The following HDAC7 variants were observed in gnomAD, a reference collection of about 807,000 sequenced individuals.
The protein encoded by HDAC7 is histone deacetylase 7A.
A neutral mutation model predicts 115.5 loss-of-function variants in HDAC7; 26 were observed. The observed-to-expected ratio is 0.23, with a 90% CI of 0.16 to 0.31. HDAC7 has a LOEUF of 0.31. Ranked by LOEUF, HDAC7 falls within the 10% of genes least tolerant of loss-of-function variation. The probability of loss-of-function intolerance (pLI) is 1.00; values close to 1 mark genes in which losing one functional copy is unlikely to be tolerated. For missense variants in HDAC7, 1,068 were observed against 1,329.0 expected (o/e 0.80, Z 3.05); for synonymous variants, 564 against 550.9 (o/e 1.02, Z -0.33).
In HDAC7 at chr12:47,803,218, G is replaced by A. The variant is rs147756065; in HGVS notation, c.20-944C>T. On this transcript the variant is annotated intron_variant, in intron 1 of 25. Transcript: ENST00000080059. This position sits in a 1 kb window ranked among gnomAD's most constrained non-coding sequence, Gnocchi z 4.0. ...CTTGCTGTCCAGTTCAGGGTCAAGG[G>A]GACAGGAGGCCAGGAGACCCAGAGG... Among the ~76,000 whole-genome samples, 411 of 152,324 alleles carry A rather than the reference G, an allele frequency of 2.7e-3. 2 individuals carry two copies. Among genetic ancestry groups the A allele is most frequent in the African/African-American group, 9.2e-3 (384 of 41,574 alleles).
At position 47,796,355 on chromosome 12, in the gene HDAC7, C is replaced by G. The variant is rs1027511635; in HGVS notation, c.704-57G>C. On this transcript the variant is annotated intron_variant, in intron 7 of 25. Coordinates refer to ENST00000080059, the MANE Select transcript of HDAC7 (RefSeq NM_015401.5). ...AGAGGCCAGGGTGGGCAGGAGGGTACAGCCAGGCCGCCTGGTGCAGGAGAC... is the reference window on the plus strand; with the variant it reads ...AGAGGCCAGGGTGGGCAGGAGGGTAGAGCCAGGCCGCCTGGTGCAGGAGAC... 9 of 1,353,246 alleles carry G rather than the reference C, an allele frequency of 6.7e-6. No individual in the cohort carries two copies. The African/African-American group carries it at 8.8e-5, about 13-fold the overall frequency. 83.8% of individuals were successfully genotyped at this position (1,353,246 alleles called of 1,614,324 possible).
intron 12 of HDAC7, 143 bp downstream of exon 12, chr12:47,794,616 CA>C: frequency 1.4e-6 from 1 of 727,670 alleles, no homozygotes; most frequent in Non-Finnish European, 2.1e-6. Context: ...AGTGTGGATC[CA>C]GCACCCAGGA....
chr12:47,797,150 G>C lies in HDAC7; in HGVS notation c.578-8C>G, dbSNP rs1436761959. ...TCAGGTTGGGCTCAGAGACTGCAGG[G>C]AGCACCAGCGTCACTCAGGCCCCCA... On this transcript the variant is annotated splice_region_variant and splice_polypyrimidine_tract_variant and intron_variant, in intron 6 of 25. Coordinates refer to ENST00000080059, the MANE Select transcript of HDAC7 (RefSeq NM_015401.5). The surrounding 1 kb of genome is among the most constrained non-coding windows in gnomAD (Gnocchi z 5.5). 3 of 1,583,064 alleles carry C rather than the reference G, an allele frequency of 1.9e-6. No homozygotes were observed. The highest frequency in any genetic ancestry group is 2.6e-6 in the Non-Finnish European group (3 of 1,164,960).
chr12:47,810,804 G>GTCTCTCTCTCTCTCTCTCTCTCTC (rs60132211), intron 1 of HDAC7, among the ~76,000 whole-genome samples: 5 of 131,584 alleles, frequency 3.8e-5, no homozygotes, highest in Non-Finnish European at 3.2e-5. Context: ...GGAGGAAAAG[G>GTCTCTCTCTCTCTCTCTCTCTCTC]TCTCTCTCTC....
At chr12:47,794,531 T>G (rs896856372) in intron 12 of HDAC7, among the ~76,000 whole-genome samples, 1 of 152,238 alleles carries the variant, frequency 6.6e-6, no homozygotes, top group African/African-American at 2.4e-5. Context: ...ATGCTTCACC[T>G]GAGACTGGCA....
At chr12:47,789,608 ACAGACAG>A in intron 17 of HDAC7, 30 bp from the exon 18 acceptor site, 7 of 1,612,948 alleles carry the variant, frequency 4.3e-6, no homozygotes, top group Non-Finnish European at 5.9e-6. Flanking sequence ...TTGTCAATCA[ACAGACAG>A]CTCTGACCCA....
chr12:47,802,445 C>T (rs747071634), intron 1 of HDAC7, 171 bp from the exon 2 acceptor site: 1 of 1,550,620 alleles, frequency 6.4e-7, no homozygotes, highest in South Asian at 1.2e-5. Context: ...CCCCATTCGA[C>T]TCCTCCAGTC....
Position 47,789,538 on chromosome 12 carries a change from T to A in HDAC7, c.2132A>T (p.Asp711Val). The change falls in exon 18 of 26, where the codon GAT (aspartate) becomes GTT (valine). Residue 711 changes from aspartate (D) to valine (V), a missense_variant. By Grantham distance (152) the Asp-to-Val change is radical. Around this residue, in one of 6 missense-constraint regions of HDAC7, gnomAD observed 182 missense variants for 301.1 expected, o/e 0.60. Coordinates refer to ENST00000080059, the MANE Select transcript of HDAC7 (RefSeq NM_015401.5). Reference sequence around the variant, plus strand: ...TTAGCCTTACATGGCTGTTGAATGATCTGCATGGTGTCCTGGGGGCCGCAC... The same window carrying A: ...TTAGCCTTACATGGCTGTTGAATGAACTGCATGGTGTCCTGGGGGCCGCAC... ...AVVRPPGHHA[D>V]HSTAMGFCFF... 1 of 1,614,190 alleles carries A rather than the reference T, an allele frequency of 6.2e-7. No homozygotes were observed. Among genetic ancestry groups the A allele is most frequent in the Admixed American group, 1.7e-5 (1 of 60,022 alleles).
At chr12:47,809,581 T>C (rs1944561824) in intron 1 of HDAC7, among the ~76,000 whole-genome samples, 1 of 152,174 alleles carries the variant, frequency 6.6e-6, no homozygotes, top group Non-Finnish European at 1.5e-5. Context: ...TATTTATTTA[T>C]TTATTTTGAG....
intron 2 of HDAC7, among the ~76,000 whole-genome samples, chr12:47,801,457 C>G (rs1452093022): frequency 6.6e-6 from 1 of 151,886 alleles, no homozygotes; most frequent in Non-Finnish European, 1.5e-5. Flanking sequence ...GGGCACTGGT[C>G]ACATTATTGC....
At chr12:47,792,959 C>T (rs887751561) in intron 13 of HDAC7, 5 of 286,868 alleles carry the variant, frequency 1.7e-5, no homozygotes, top group African/African-American at 8.8e-5. Context: ...AGAGGGTTTA[C>T]TTCTGGGTGG....
At position 47,810,040 on chromosome 12, in the gene HDAC7, G is replaced by A. The variant is rs373492212; in HGVS notation, c.20-7766C>T. On this transcript the variant is annotated intron_variant, in intron 1 of 25. Coordinates refer to ENST00000080059, the MANE Select transcript of HDAC7 (RefSeq NM_015401.5). Reference sequence around the variant, plus strand: ...CAGCTGACTGCAACCTCTGCCTCCCGGATTCAAGTGATTCTCCTGCCTCAG... The same window carrying A: ...CAGCTGACTGCAACCTCTGCCTCCCAGATTCAAGTGATTCTCCTGCCTCAG... 7.9e-5 allele frequency among the ~76,000 whole-genome samples: 12 copies of A among 152,006 alleles called. No individual in the cohort carries two copies. The East Asian group carries it at 1.4e-3, about 17-fold the overall frequency.
At chr12:47,799,518 A>G (rs1944060311) in intron 2 of HDAC7, among the ~76,000 whole-genome samples, 1 of 152,162 alleles carries the variant, frequency 6.6e-6, no homozygotes, top group Non-Finnish European at 1.5e-5. Context: ...CAGTCATGAG[A>G]TAAAGTGATG....
rs750253330 is a variant in HDAC7 at position 47,788,038 on chromosome 12, C to T, written c.2355+7G>A. 24 of 1,607,298 alleles carry T rather than the reference C, an allele frequency of 1.5e-5. 1 individual carries two copies. In the East Asian group the frequency reaches 1.6e-4, roughly 10 times the overall value. Reference sequence around the variant, plus strand: ...GGCTGGAAGATGTGGCCCTGACATGCGGTTACCTCATCCACAGCCCCACTC... The same window carrying T: ...GGCTGGAAGATGTGGCCCTGACATGTGGTTACCTCATCCACAGCCCCACTC... On this transcript the variant is annotated splice_region_variant and intron_variant, in intron 20 of 25. Coordinates refer to ENST00000080059, the MANE Select transcript of HDAC7 (RefSeq NM_015401.5).
intron 1 of HDAC7, among the ~76,000 whole-genome samples, chr12:47,809,164 C>G (rs1024261120): frequency 9.2e-5 from 14 of 152,180 alleles, no homozygotes; most frequent in African/African-American, 4.8e-5. Flanking sequence ...AGCACAGTCA[C>G]CGCCCCAGGC....
At chr12:47,785,628 C>T in intron 23 of HDAC7, 124 bp downstream of exon 23, 1 of 1,399,266 alleles carries the variant, frequency 7.1e-7, no homozygotes, top group Non-Finnish European at 9.6e-7. Context: ...TCCGCTTCGC[C>T]TACCTTGTTT....
At chr12:47,806,071 G>A (rs986535645) in intron 1 of HDAC7, among the ~76,000 whole-genome samples, 1 of 152,246 alleles carries the variant, frequency 6.6e-6, no homozygotes, top group Non-Finnish European at 1.5e-5. Context: ...CCTGGAAGCC[G>A]CCCTTTCTAA....
Position 47,798,358 on chromosome 12 carries a change from ACC to A in HDAC7, c.350-141_350-140del. 1.4e-5 allele frequency: 11 copies of A among 797,852 alleles called. No individual in the cohort carries two copies. Among genetic ancestry groups the A allele is most frequent in the Non-Finnish European group, 1.7e-5 (8 of 480,936 alleles). The allele number at this position is 797,852 out of a possible 1,614,324, so 49.4% of individuals were successfully genotyped here. A position where few individuals can be genotyped will look rare whatever the true frequency, so the allele number is the denominator to read the frequency against. The stretch of plus-strand genomic sequence containing the variant: ...AGGCAAGAGCCAAGCCCGAGGCCCT[ACC>A]CCTCCCTAGAGCCTCCAGACACCAC... On this transcript the variant is annotated intron_variant, in intron 4 of 25. Coordinates refer to ENST00000080059, the MANE Select transcript of HDAC7 (RefSeq NM_015401.5). The surrounding 1 kb of genome is among the most constrained non-coding windows in gnomAD (Gnocchi z 4.3).
chr12:47,819,615 G>C (rs959154142), intron 1 of HDAC7, among the ~76,000 whole-genome samples, 152 bp downstream of exon 1: 13 of 150,428 alleles, frequency 8.6e-5, no homozygotes, highest in African/African-American at 1.9e-4. Context: ...GGCGCGGTCG[G>C]GGGGCGCAAG....
Sources: gnomAD v4.1 joint callset for allele counts (sites outside exome capture counted in the v4.1 genomes callset) on GRCh38, gnomAD v4.1.1 for gene constraint, gnomAD v4.1.1 regional missense constraint, Gnocchi (gnomAD v3.1) non-coding constraint, MANE v1.5 for transcripts, NCBI Gene and HGNC (gene_info 2026-07-23, HGNC 2026-07-21) for gene names.